Variants in MNT observed in about 807,000 individuals in gnomAD.
MNT encodes MAX network transcriptional repressor, also known as max-binding protein MNT.
MNT carries 13 observed loss-of-function variants against 40.7 expected under a neutral mutation model. That is an observed-to-expected ratio of 0.32 (90% CI 0.21 to 0.51). MNT has a LOEUF of 0.51. Among genes scored for constraint, MNT ranks in the 20% least tolerant of loss-of-function variants. MNT has a pLI of 0.98. For synonymous variants in MNT, 426 were observed against 354.8 expected (o/e 1.20, Z -2.26); for missense variants, 757 against 792.0 (o/e 0.96, Z 0.53).
intron 4 of MNT, 47 bp downstream of exon 4, chr17:2,393,981 GGGGAGGGGCGGCGGA>G (rs914812121): frequency 2.2e-5 from 27 of 1,228,794 alleles, no homozygotes; most frequent in African/African-American, 3.2e-5. Context: ...GGCGCGGCCG[GGGGAGGGGCGGCGGA>G]GGGAGGGCGG....
chr17:2,396,131 A>G (rs1302981679), intron 1 of MNT, among the ~76,000 whole-genome samples: 1 of 152,110 alleles, frequency 6.6e-6, no homozygotes, highest in African/African-American at 2.4e-5. Flanking sequence ...GCCCCACGTC[A>G]CATCATGGGC....
intron 5 of MNT, 70 bp from the exon 6 acceptor site, chr17:2,387,719 C>A: frequency 1.3e-6 from 2 of 1,580,500 alleles, no homozygotes; most frequent in South Asian, 1.1e-5. Flanking sequence ...CGTAGATGCT[C>A]GTGGGGGCGT....
rs1320621695 is a variant in MNT at position 2,393,849 on chromosome 17, C to G, written c.807+194G>C. 3 of 298,818 alleles carry G rather than the reference C, an allele frequency of 1.0e-5. No individual in the cohort carries two copies. The East Asian group carries it at 1.8e-4, about 18-fold the overall frequency. 18.5% of individuals were successfully genotyped at this position (298,818 alleles called of 1,614,324 possible). A position where few individuals can be genotyped will look rare whatever the true frequency, so the allele number is the denominator to read the frequency against. On this transcript the variant is annotated intron_variant, in intron 4 of 5. Transcript: ENST00000174618. The stretch of plus-strand genomic sequence containing the variant: ...CGCGGGAGGGGAGCCGCGCCCTCCT[C>G]TGCGCACGCGCGCCCTCCCGGGCAG...
intron 4 of MNT, among the ~76,000 whole-genome samples, chr17:2,393,087 GC>G (rs1711684075): frequency 6.6e-6 from 1 of 151,802 alleles, no homozygotes; most frequent in Non-Finnish European, 1.5e-5. Flanking sequence ...ACGCCGCGCC[GC>G]CCCCGGAGCT....
intron 1 of MNT, 45 bp downstream of exon 1, chr17:2,400,595 G>A: frequency 1.3e-6 from 2 of 1,544,150 alleles, no homozygotes; most frequent in Non-Finnish European, 1.7e-6. Flanking sequence ...GGGGTCACTC[G>A]CTTCCCCTTC....
At chr17:2,400,119 G>T (rs1444985747) in intron 1 of MNT, among the ~76,000 whole-genome samples, 1 of 152,236 alleles carries the variant, frequency 6.6e-6, no homozygotes, top group African/African-American at 2.4e-5. Context: ...GGCCAGGGAA[G>T]CCGAAGAGCT....
At chr17:2,397,169 G>A (rs1399904144) in intron 1 of MNT, among the ~76,000 whole-genome samples, 1 of 152,200 alleles carries the variant, frequency 6.6e-6, no homozygotes, top group Non-Finnish European at 1.5e-5. Flanking sequence ...TCGGGAAGGG[G>A]CGATGCCAGG....
In MNT at chr17:2,395,122, G is replaced by A; in HGVS notation, c.406C>T (p.Pro136Ser). 1.4e-6 allele frequency: 2 copies of A among 1,479,950 alleles called. No individual in the cohort carries two copies. Among genetic ancestry groups the A allele is most frequent in the South Asian group, 1.4e-5 (1 of 71,540 alleles). The allele number at this position is 1,479,950 out of a possible 1,614,324, so 91.7% of individuals were successfully genotyped here. ...GGCACCTGCGGCCTGCTGGGCAGGG[G>A]GGCAGGCTCCTTAATGCTGAGTCCG... is the stretch of plus-strand genomic sequence containing the variant. ...APGLSIKEPA[P>S]LPSRPQVPTP... is the part of the protein sequence containing the mutation. The change falls in exon 2 of 6, where the codon CCC becomes TCC. Residue 136 changes from proline (P) to serine (S), a missense_variant. Physicochemically the swap from Pro to Ser is moderately conservative, Grantham distance 74. Coordinates refer to ENST00000174618, the MANE Select transcript of MNT (RefSeq NM_020310.3).
chr17:2,388,294 T>A lies in MNT; in HGVS notation c.808-245A>T, dbSNP rs114170582. The A allele has an allele frequency of 3.7e-3, 1,869 of 505,208 alleles. 26 individuals are homozygous for A. The highest frequency in any genetic ancestry group is 0.031 in the African/African-American group (1,575 of 50,436). 31.3% of individuals were successfully genotyped at this position (505,208 alleles called of 1,614,324 possible). A position where few individuals can be genotyped will look rare whatever the true frequency, so the allele number is the denominator to read the frequency against. ...CCACTGAAGCAAGCTCAACCAGGTG[T>A]GCAGGTCCTTCCCTGTCCTCCACAA... On this transcript the variant is annotated intron_variant, in intron 4 of 5. Transcript: ENST00000174618.
In MNT at chr17:2,384,867, C is replaced by G. The variant is rs898632411; in HGVS notation, c.*2034G>C. The G allele has an allele frequency of 5.9e-5, 9 of 152,236 alleles. No individual in the cohort carries two copies. The highest frequency in any genetic ancestry group is 1.9e-4 in the African/African-American group (8 of 41,258). 9.4% of individuals were successfully genotyped at this position (152,236 alleles called of 1,614,324 possible). A position where few individuals can be genotyped will look rare whatever the true frequency, so the allele number is the denominator to read the frequency against. ...GGCCCCCGATGCTGGGGGACAGGGACGGGGAGGGGCAGCGGGTGGATGATG... is the reference window on the plus strand; with the variant it reads ...GGCCCCCGATGCTGGGGGACAGGGAGGGGGAGGGGCAGCGGGTGGATGATG... On this transcript the variant is annotated 3_prime_UTR_variant, in exon 6 of 6. Coordinates refer to ENST00000174618, the MANE Select transcript of MNT (RefSeq NM_020310.3).
chr17:2,400,725 T>C lies in MNT; in HGVS notation c.-13A>G. On this transcript the variant is annotated 5_prime_UTR_variant, in exon 1 of 6. Coordinates refer to ENST00000174618, the MANE Select transcript of MNT (RefSeq NM_020310.3). ...TCTCTATGCTCATCGCGCCGAGAGCTGCCGGGGGCGCGCCGGGGCCGAGGC... is the reference window on the plus strand; with the variant it reads ...TCTCTATGCTCATCGCGCCGAGAGCCGCCGGGGGCGCGCCGGGGCCGAGGC... The C allele has an allele frequency of 1.3e-6, 2 of 1,542,258 alleles. No individual in the cohort carries two copies. Among genetic ancestry groups the C allele is most frequent in the East Asian group, 5.3e-5 (2 of 38,082 alleles).
chr17:2,386,896 C>G lies in MNT; in HGVS notation c.*5G>C, dbSNP rs368354845. On this transcript the variant is annotated 3_prime_UTR_variant, in exon 6 of 6. Coordinates refer to ENST00000174618, the MANE Select transcript of MNT (RefSeq NM_020310.3). ...CCCACTGGGGGCCTCTGAGTGGCCTCGTCCTCAAGCCAGCTTGAGTGTGCT... is the reference window on the plus strand; with the variant it reads ...CCCACTGGGGGCCTCTGAGTGGCCTGGTCCTCAAGCCAGCTTGAGTGTGCT... 1 of 1,461,886 alleles carries G rather than the reference C, an allele frequency of 6.8e-7. No homozygotes were observed. 90.6% of individuals were successfully genotyped at this position (1,461,886 alleles called of 1,614,324 possible).
At chr17:2,396,514 CAAG>C (rs1453177862) in intron 1 of MNT, 20 of 152,468 alleles carry the variant, frequency 1.3e-4, no homozygotes, top group Admixed American at 1.3e-3. Flanking sequence ...TTCTCCCAAA[CAAG>C]AAGGGGCTGG....
Position 2,394,290 on chromosome 17 carries a change from C to G in MNT, c.695+15G>C. 6.2e-7 allele frequency: 1 copy of G among 1,612,614 alleles called. No individual in the cohort carries two copies. Among genetic ancestry groups the G allele is most frequent in the Non-Finnish European group, 8.5e-7 (1 of 1,179,676 alleles). On this transcript the variant is annotated intron_variant, in intron 3 of 5. Coordinates refer to ENST00000174618, the MANE Select transcript of MNT (RefSeq NM_020310.3). ...GCACGCACGCACGCACACACACACACACACACACACACACCTGTTCTTCTC... is the reference window on the plus strand; with the variant it reads ...GCACGCACGCACGCACACACACACAGACACACACACACACCTGTTCTTCTC...
Position 2,394,996 on chromosome 17 carries a change from G to T in MNT, c.532C>A (p.Pro178Thr), listed in dbSNP as rs750330304. Residue 178 changes from proline (P) to threonine (T), a missense_variant, in exon 2 of 6, where the codon CCA (proline) becomes ACA (threonine). By Grantham distance (38) the Pro-to-Thr change is conservative. Around this residue, in one of 4 missense-constraint regions of MNT, gnomAD observed 335 missense variants for 291.4 expected, o/e 1.15. Coordinates refer to ENST00000174618, the MANE Select transcript of MNT (RefSeq NM_020310.3). ...AGCTGAGGCTGGACTCCAGGGTGTG[G>T]CGCTATGGTCAGGACAGGCGTGGGG... The part of the protein sequence containing the change: ...PLPTPVLTIA[P>T]HPGVQPQLAP... The T allele has an allele frequency of 6.2e-7, 1 of 1,606,432 alleles. No homozygotes were observed. Among genetic ancestry groups the T allele is most frequent in the Non-Finnish European group, 8.5e-7 (1 of 1,176,854 alleles).
Position 2,395,422 on chromosome 17 carries a change from G to C in MNT, c.106C>G (p.Arg36Gly). 6.2e-7 allele frequency: 1 copy of C among 1,612,910 alleles called. No individual in the cohort carries two copies. Among genetic ancestry groups the C allele is most frequent in the Non-Finnish European group, 8.5e-7 (1 of 1,179,588 alleles). Residue 36 changes from arginine (R) to glycine (G), a missense_variant, in exon 2 of 6, where the codon CGA becomes GGA. By Grantham distance (125) the Arg-to-Gly change is moderately radical (BLOSUM62 -2). Around this residue, in one of 4 missense-constraint regions of MNT, gnomAD observed 335 missense variants for 291.4 expected, o/e 1.15. Coordinates refer to ENST00000174618, the MANE Select transcript of MNT (RefSeq NM_020310.3). ...EQERLRLEQEREQEQKKANSL... is the reference protein window; with the variant it reads ...EQERLRLEQEGEQEQKKANSL... ...TTGGCCTTCTTCTGTTCCTGCTCTC[G>C]CTCCTGCTCCAAGCGAAGCCGCTCC... is the stretch of plus-strand genomic sequence containing the variant.
intron 4 of MNT, chr17:2,389,257 C>T (rs1309421500): frequency 6.6e-6 from 1 of 151,818 alleles, no homozygotes; most frequent in African/African-American, 2.4e-5. Context: ...CTCCCCCACT[C>T]TCCCTCAATT....
Position 2,395,097 on chromosome 17 carries a change from G to A in MNT, c.431C>T (p.Pro144Leu). The change falls in exon 2 of 6, where the codon CCC becomes CTC. Residue 144 changes from proline (P) to leucine (L), a missense_variant. Pro to Leu is a moderately conservative substitution (Grantham distance 98, BLOSUM62 -3). Around this residue, in one of 4 missense-constraint regions of MNT, gnomAD observed 335 missense variants for 291.4 expected, o/e 1.15. Coordinates refer to ENST00000174618, the MANE Select transcript of MNT (RefSeq NM_020310.3). ...PAPLPSRPQV[P>L]TPAPLLPDSK... ...GTCCGGCAGTAGGGGAGCAGGGGTG[G>A]GCACCTGCGGCCTGCTGGGCAGGGG... 2 of 1,506,124 alleles carry A rather than the reference G, an allele frequency of 1.3e-6. No homozygotes were observed. The highest frequency in any genetic ancestry group is 1.8e-6 in the Non-Finnish European group (2 of 1,128,328). 93.3% of individuals were successfully genotyped at this position (1,506,124 alleles called of 1,614,324 possible). A position where few individuals can be genotyped will look rare whatever the true frequency, so the allele number is the denominator to read the frequency against.
At chr17:2,400,156 C>T (rs1324945247) in intron 1 of MNT, among the ~76,000 whole-genome samples, 1 of 152,238 alleles carries the variant, frequency 6.6e-6, no homozygotes, top group Non-Finnish European at 1.5e-5. Context: ...TCCCCACCCC[C>T]ACTCCGTTAC....
Sources: gnomAD v4.1 joint callset for allele counts (sites outside exome capture counted in the v4.1 genomes callset) on GRCh38, gnomAD v4.1.1 for gene constraint, gnomAD v4.1.1 regional missense constraint, MANE v1.5 for transcripts, NCBI Gene and HGNC (gene_info 2026-07-23, HGNC 2026-07-21) for gene names.